The following RGS12 variants were observed in gnomAD, a reference collection of about 807,000 sequenced individuals.
The protein encoded by RGS12 is regulator of G protein signaling 12.
Under a neutral mutation model 120.1 loss-of-function variants are expected in RGS12, and 66 were observed. The ratio of observed to expected loss-of-function variants is 0.55; its 90% CI spans 0.45 to 0.67. The LOEUF (loss-of-function observed/expected upper bound fraction) is 0.67, where lower values mean the gene tolerates loss of function less well. Among genes scored for constraint, RGS12 ranks in the 30% least tolerant of loss-of-function variants. RGS12 has a pLI of 0.00. For synonymous variants in RGS12, 827 were observed against 804.7 expected (o/e 1.03, Z -0.47); for missense variants, 1,859 against 1,957.7 (o/e 0.95, Z 0.95).
intron 2 of RGS12, among the ~76,000 whole-genome samples, chr4:3,319,331 T>G (rs1386881149): frequency 6.6e-6 from 1 of 152,188 alleles, no homozygotes; most frequent in East Asian, 1.9e-4. Flanking sequence ...AGAACAGATT[T>G]CTCGTTTTAT....
In RGS12 at chr4:3,298,149, C is replaced by G. The variant is rs182184361; in HGVS notation, c.-102+5050C>G. The stretch of plus-strand genomic sequence containing the variant: ...TTTTCCCTCAGTGTTCTGAGAAGCC[C>G]GATAATGGCATCTGCTTCCGTTTAT... On this transcript the variant is annotated intron_variant, in intron 1 of 17. Coordinates refer to ENST00000336727, the MANE Select transcript of RGS12 (RefSeq NM_001394154.1). Among the ~76,000 whole-genome samples, 1,271 of 152,232 alleles carry G rather than the reference C, an allele frequency of 8.3e-3. 10 individuals are homozygous for G. The highest frequency in any genetic ancestry group is 0.015 in the Non-Finnish European group (1,013 of 68,018).
chr4:3,335,091 A>T (rs1170261302), intron 2 of RGS12, among the ~76,000 whole-genome samples: 1 of 152,224 alleles, frequency 6.6e-6, no homozygotes, highest in Non-Finnish European at 1.5e-5. Context: ...TGCTTGGGAC[A>T]TCATAGGCCC....
intron 1 of RGS12, among the ~76,000 whole-genome samples, chr4:3,309,909 G>A (rs1311439080): frequency 8.1e-5 from 11 of 136,382 alleles, no homozygotes; most frequent in East Asian, 4.6e-4. Context: ...ACCGTGCAGG[G>A]GAGGAGCTGG....
intron 3 of RGS12, among the ~76,000 whole-genome samples, chr4:3,382,480 C>T (rs1417136192): frequency 6.6e-6 from 1 of 152,182 alleles, no homozygotes; most frequent in Non-Finnish European, 1.5e-5. Flanking sequence ...TGTCTTGATT[C>T]CTGTGACCAC....
intron 2 of RGS12, among the ~76,000 whole-genome samples, chr4:3,340,713 T>C (rs75225149): frequency 0.077 from 11,730 of 152,196 alleles, 812 homozygotes; most frequent in African/African-American, 0.19. Context: ...AGGCAGGAGC[T>C]GGCGGGAGCC....
chr4:3,368,627 CAT>C (rs1377876000), intron 3 of RGS12, among the ~76,000 whole-genome samples: 1 of 75,682 alleles, frequency 1.3e-5, no homozygotes, highest in African/African-American at 5.5e-5. Context: ...TGGGGGGGTA[CAT>C]GTGTGTGTGT....
chr4:3,419,814 C>G (rs1272283745), intron 9 of RGS12, among the ~76,000 whole-genome samples: 1 of 152,202 alleles, frequency 6.6e-6, no homozygotes, highest in Non-Finnish European at 1.5e-5. Flanking sequence ...CAGCGACGCT[C>G]TGTCTCTAAA....
chr4:3,418,897 A>C (rs1722698683), intron 9 of RGS12: 1 of 151,932 alleles, frequency 6.6e-6, no homozygotes. Flanking sequence ...AAACCTTGAT[A>C]GAGCCAGGCG....
intron 15 of RGS12, 38 bp from the exon 16 acceptor site, chr4:3,428,520 G>A: frequency 6.5e-7 from 1 of 1,530,444 alleles, no homozygotes; most frequent in Non-Finnish European, 8.8e-7. Context: ...GTCGTGTATT[G>A]AAATGAAAGT....
At chr4:3,414,453 C>T in intron 5 of RGS12, 1 of 612,908 alleles carries the variant, frequency 1.6e-6, no homozygotes, top group Non-Finnish European at 2.8e-6. Context: ...AGGGAGCGTC[C>T]CTGGCCCTCC....
intron 3 of RGS12, among the ~76,000 whole-genome samples, chr4:3,369,579 C>T (rs532688701): frequency 6.6e-6 from 1 of 152,324 alleles, no homozygotes; most frequent in East Asian, 1.9e-4. Context: ...CTCTAGGTGG[C>T]CCATGCTGCA....
rs1719402252 is a variant in RGS12, at chr4:3,390,685, C to G, written c.2020+4248C>G. Among the ~76,000 whole-genome samples the G allele has an allele frequency of 6.6e-6, 1 of 152,192 alleles. No homozygotes were observed. Among genetic ancestry groups the G allele is most frequent in the Admixed American group, 6.5e-5 (1 of 15,282 alleles). ...GAAGATTCGGGCTCCACCTGCAGCT[C>G]CACAGCTGACAGGCCGATCTCTTGG... On this transcript the variant is annotated intron_variant, in intron 4 of 17. Transcript: ENST00000336727. The surrounding 1 kb of genome is among the most constrained non-coding windows in gnomAD (Gnocchi z 4.6).
intron 3 of RGS12, among the ~76,000 whole-genome samples, chr4:3,375,844 G>C (rs1484448001): frequency 6.6e-6 from 1 of 152,252 alleles, no homozygotes. Context: ...CAGCACAGCT[G>C]ACTTTTACAC....
chr4:3,392,797 C>T (rs1462570733), intron 4 of RGS12, among the ~76,000 whole-genome samples: 7 of 152,018 alleles, frequency 4.6e-5, no homozygotes, highest in African/African-American at 1.7e-4. Context: ...AAGACCACCC[C>T]GGCCAACATG....
chr4:3,292,175 G>A (rs1723057852), upstream of RGS12, among the ~76,000 whole-genome samples: 1 of 152,242 alleles, frequency 6.6e-6, no homozygotes, highest in Non-Finnish European at 1.5e-5. Context: ...AAGGGGCAGG[G>A]AGACCCAGCG....
intron 3 of RGS12, among the ~76,000 whole-genome samples, chr4:3,350,166 A>G (rs1353710736): frequency 6.6e-6 from 1 of 152,220 alleles, no homozygotes; most frequent in Non-Finnish European, 1.5e-5. Flanking sequence ...AGCAATTTTG[A>G]TTAAACTAAC....
At chr4:3,286,971 A>G in the RGS12 span, among the ~76,000 whole-genome samples, 2 of 152,196 alleles carry the variant, frequency 1.3e-5, no homozygotes, top group Admixed American at 6.5e-5. Context: ...GGACCTGGCT[A>G]TGATGGTGAT....
chr4:3,310,880 T>C (rs1724354225), intron 1 of RGS12, among the ~76,000 whole-genome samples: 1 of 152,166 alleles, frequency 6.6e-6, no homozygotes. Flanking sequence ...TAAGTGTGGG[T>C]AAGCCAAGAA....
intron 8 of RGS12, 84 bp downstream of exon 8, chr4:3,417,176 C>A (rs547558989): frequency 4.2e-6 from 6 of 1,422,462 alleles, no homozygotes. Flanking sequence ...GAAAAGAGGC[C>A]CTGTCGGCGT....
Sources: allele counts gnomAD v4.1 joint callset (sites outside exome capture counted in the v4.1 genomes callset), GRCh38; gene constraint gnomAD v4.1.1; non-coding constraint Gnocchi (gnomAD v3.1); transcripts MANE v1.5; gene names NCBI Gene and HGNC (gene_info 2026-07-23, HGNC 2026-07-21).